Variants in IL1RAPL2 observed in about 807,000 individuals in gnomAD.
The protein encoded by IL1RAPL2 is X-linked interleukin-1 receptor accessory protein-like 2.
Under a neutral mutation model 44.1 loss-of-function variants are expected in IL1RAPL2, and 3 were observed. The observed-to-expected ratio is 0.07, with a 90% confidence interval of 0.03 to 0.18. The LOEUF (loss-of-function observed/expected upper bound fraction) is 0.18. Among genes scored for constraint, IL1RAPL2 ranks in the 10% least tolerant of loss-of-function variants. IL1RAPL2 has a pLI of 1.00. For synonymous variants in IL1RAPL2, 181 were observed against 178.8 expected, an observed-to-expected ratio of 1.01 and a Z score of -0.10; for missense variants, 391 against 496.4, an observed-to-expected ratio of 0.79 and a Z score of 2.02.
At chrX:104,915,328 A>G (rs12840279) in intron 2 of IL1RAPL2, among the ~76,000 whole-genome samples, 46,447 of 106,686 alleles carry the variant, frequency 0.44, 8,596 homozygotes, top group Middle Eastern at 0.64. Flanking sequence ...GATGATGAGC[A>G]TTTTTTCATG....
chrX:104,707,753 G>GCAAA (rs1931387017), intron 2 of IL1RAPL2, among the ~76,000 whole-genome samples: 2 of 111,658 alleles, frequency 1.8e-5, no homozygotes, highest in Admixed American at 1.9e-4. Flanking sequence ...ACCAGAGGCT[G>GCAAA]CAAACATTGT....
At chrX:105,350,461 C>T (rs755634751) in intron 5 of IL1RAPL2, among the ~76,000 whole-genome samples, 8 of 112,507 alleles carry the variant, frequency 7.1e-5, no homozygotes, top group Non-Finnish European at 1.3e-4. Flanking sequence ...TGGTGGCTCA[C>T]GCCCGTAATC....
intron 3 of IL1RAPL2, among the ~76,000 whole-genome samples, chrX:105,200,809 GGCTGAGGTACGAGAATT>G (rs2033710381): frequency 9.0e-6 from 1 of 110,927 alleles, no homozygotes; most frequent in Admixed American, 9.6e-5. Context: ...CTACTCGAGA[GGCTGAGGTACGAGAATT>G]GCTTGAATCG....
chrX:105,548,800 A>G (rs1360809977), intron 6 of IL1RAPL2, among the ~76,000 whole-genome samples: 1 of 112,316 alleles, frequency 8.9e-6, no homozygotes, highest in African/African-American at 3.2e-5. Flanking sequence ...ATAGAATAAC[A>G]TATGTAAATG....
At chrX:105,029,187 TAA>T (rs767267566) in intron 2 of IL1RAPL2, among the ~76,000 whole-genome samples, 2 of 109,013 alleles carry the variant, frequency 1.8e-5, no homozygotes, top group South Asian at 3.9e-4. Context: ...GATTTTATGT[TAA>T]GAGTCTTTTT....
rs773128192 is a variant in IL1RAPL2, at chrX:105,378,976, C to A, written c.698-105337C>A. On this transcript the variant is annotated intron_variant, in intron 5 of 10. Coordinates refer to ENST00000372582, the MANE Select transcript of IL1RAPL2 (RefSeq NM_017416.2). ...AACTTGCCTTCTAATCCTATTTTTG[C>A]CAGTTACTTGTATGACCTAGAGATT... Among the ~76,000 whole-genome samples, 10 of 111,649 alleles carry A rather than the reference C, an allele frequency of 9.0e-5. No homozygotes were observed. In the South Asian group the frequency reaches 3.7e-3, roughly 42 times the overall value.
At chrX:104,644,189 C>T (rs1929990427) in intron 1 of IL1RAPL2, among the ~76,000 whole-genome samples, 1 of 111,227 alleles carries the variant, frequency 9.0e-6, no homozygotes, top group Non-Finnish European at 1.9e-5. Flanking sequence ...AGAAAAAATG[C>T]AAATAAAGAA....
intron 10 of IL1RAPL2, among the ~76,000 whole-genome samples, chrX:105,761,915 G>A (rs1354788504): frequency 8.9e-6 from 1 of 112,205 alleles, no homozygotes; most frequent in African/African-American, 3.2e-5. Flanking sequence ...CTAATTGATT[G>A]ATTAGTTTGA....
intron 4 of IL1RAPL2, among the ~76,000 whole-genome samples, chrX:105,266,606 C>A (rs978363407): frequency 9.0e-6 from 1 of 111,689 alleles, no homozygotes; most frequent in African/African-American, 3.3e-5. Flanking sequence ...TAGAGAAGTC[C>A]AATCTTGGTA....
intron 2 of IL1RAPL2, among the ~76,000 whole-genome samples, chrX:104,716,909 T>A (rs926939365): frequency 8.9e-6 from 1 of 111,826 alleles, no homozygotes; most frequent in African/African-American, 3.3e-5. Flanking sequence ...GACCCAGCAA[T>A]CCCATTACTG....
intron 2 of IL1RAPL2, among the ~76,000 whole-genome samples, chrX:105,186,539 T>C (rs782021346): frequency 9.0e-6 from 1 of 111,452 alleles, no homozygotes; most frequent in Non-Finnish European, 1.9e-5. Context: ...GAGCAGGAAG[T>C]TTCTCTTGGA....
chrX:105,725,456 G>T (rs2038342172), intron 7 of IL1RAPL2, among the ~76,000 whole-genome samples: 1 of 111,174 alleles, frequency 9.0e-6, no homozygotes, highest in Non-Finnish European at 1.9e-5. Flanking sequence ...CTGGTCTTCG[G>T]TTTCATTCCT....
chrX:105,686,225 G>T (rs2037972425), intron 6 of IL1RAPL2, among the ~76,000 whole-genome samples: 2 of 109,393 alleles, frequency 1.8e-5, no homozygotes, highest in Admixed American at 9.8e-5. Flanking sequence ...AATGTAAATT[G>T]GCTAAATGCC....
chrX:104,910,202 A>T (rs943484052), intron 2 of IL1RAPL2, among the ~76,000 whole-genome samples: 1 of 111,971 alleles, frequency 8.9e-6, no homozygotes, highest in African/African-American at 3.2e-5. Context: ...ATGCCTCGCC[A>T]TGCTTCGGCT....
intron 2 of IL1RAPL2, among the ~76,000 whole-genome samples, chrX:104,689,521 T>C (rs754588266): frequency 4.5e-5 from 5 of 111,394 alleles, no homozygotes; most frequent in Admixed American, 9.5e-5. Context: ...AAAATGTGTG[T>C]GAAAAGATGT....
chrX:105,660,236 G>A (rs1463249641), intron 6 of IL1RAPL2, among the ~76,000 whole-genome samples: 2 of 111,038 alleles, frequency 1.8e-5, no homozygotes, highest in Non-Finnish European at 3.8e-5. Context: ...TATTTCAAGT[G>A]CTAAAGAAAA....
intron 7 of IL1RAPL2, among the ~76,000 whole-genome samples, chrX:105,739,438 G>A (rs1291888855): frequency 6.6e-5 from 7 of 106,348 alleles, no homozygotes; most frequent in Admixed American, 2.0e-4. Context: ...ATGCTGGTGC[G>A]CTGCACCCAC....
chrX:104,703,734 A>G (rs750825493), intron 2 of IL1RAPL2, among the ~76,000 whole-genome samples: 21 of 112,543 alleles, frequency 1.9e-4, no homozygotes, highest in Admixed American at 3.8e-4. Context: ...CTCTGTGTGG[A>G]GTTATCATCT....
chrX:105,583,324 C>T (rs1353578309), intron 6 of IL1RAPL2, among the ~76,000 whole-genome samples: 1 of 109,769 alleles, frequency 9.1e-6, no homozygotes, highest in African/African-American at 3.3e-5. Context: ...TTAGTAGAGA[C>T]GGGGTTTCAC....
Sources: allele counts gnomAD v4.1 joint callset (sites outside exome capture counted in the v4.1 genomes callset), GRCh38; gene constraint gnomAD v4.1.1; transcripts MANE v1.5; gene names NCBI Gene and HGNC (gene_info 2026-07-23, HGNC 2026-07-21).